MARCHF5: variants seen among roughly 807,000 people sequenced by gnomAD.
The protein encoded by MARCHF5 is E3 ubiquitin-protein ligase MARCHF5.
A neutral mutation model predicts 36.5 loss-of-function variants in MARCHF5; 5 were observed. That is an observed-to-expected ratio of 0.14 (90% CI 0.07 to 0.29). MARCHF5 has a LOEUF of 0.29. Ranked by LOEUF, MARCHF5 falls within the 10% of genes least tolerant of loss-of-function variation. The pLI, the probability that MARCHF5 is intolerant of heterozygous loss-of-function variation, is 1.00. For missense variants in MARCHF5, 179 were observed against 336.3 expected (o/e 0.53, Z 3.66); for synonymous variants, 103 against 109.9 (o/e 0.94, Z 0.39).
chr10:92,294,546 A>G (rs1372606571), intron 1 of MARCHF5, among the ~76,000 whole-genome samples: 1 of 152,310 alleles, frequency 6.6e-6, no homozygotes, highest in Middle Eastern at 3.4e-3. Flanking sequence ...AGACTAAAAT[A>G]TGTCAGCCTA....
At chr10:92,311,472 G>GA in intron 2 of MARCHF5, 135 bp downstream of exon 2, 1 of 634,316 alleles carries the variant, frequency 1.6e-6, no homozygotes, top group Non-Finnish European at 2.7e-6. Flanking sequence ...TTTCCTCTCT[G>GA]AATGTCAGAC....
chr10:92,301,901 A>G (rs1259228859), intron 1 of MARCHF5, among the ~76,000 whole-genome samples: 1 of 152,144 alleles, frequency 6.6e-6, no homozygotes, highest in African/African-American at 2.4e-5. Flanking sequence ...TCTACTAAAA[A>G]TACAAAAAAA....
intron 2 of MARCHF5, chr10:92,333,583 T>C: frequency 1.1e-6 from 1 of 893,766 alleles, no homozygotes; most frequent in Non-Finnish European, 1.3e-6. Flanking sequence ...GAACAAACAT[T>C]GAACAAGAAC....
At chr10:92,322,016 G>A (rs1039723680) in intron 2 of MARCHF5, among the ~76,000 whole-genome samples, 2 of 151,422 alleles carry the variant, frequency 1.3e-5, no homozygotes, top group African/African-American at 2.4e-5. Context: ...AGGCCGAGGC[G>A]GGCGGATCAC....
chr10:92,307,194 TGTGTGTGTGTGTGTGTGTGC>T (rs1284652777), intron 1 of MARCHF5, among the ~76,000 whole-genome samples: 7 of 94,374 alleles, frequency 7.4e-5, no homozygotes, highest in South Asian at 3.1e-4. Context: ...TGTGTGTGTG[TGTGTGTGTGTGTGTGTGTGC>T]GCGTGCATGC....
In MARCHF5 at chr10:92,296,473, G is replaced by A. The variant is rs575550328; in HGVS notation, c.35+4944G>A. Reference sequence around the variant, plus strand: ...ATATATTACTTTCTCTTTGACCACCGACATTCTCATTTTTCTCTAAAACTT... The same window carrying A: ...ATATATTACTTTCTCTTTGACCACCAACATTCTCATTTTTCTCTAAAACTT... On this transcript the variant is annotated intron_variant, in intron 1 of 5. Coordinates refer to ENST00000358935, the MANE Select transcript of MARCHF5 (RefSeq NM_017824.5). Among the ~76,000 whole-genome samples the A allele has an allele frequency of 2.0e-5, 3 of 151,984 alleles. No individual in the cohort carries two copies. In the East Asian group the frequency reaches 5.8e-4, roughly 29 times the overall value.
intron 2 of MARCHF5, among the ~76,000 whole-genome samples, chr10:92,339,524 G>C (rs1467955955): frequency 6.6e-6 from 1 of 152,056 alleles, no homozygotes; most frequent in Non-Finnish European, 1.5e-5. Context: ...ACAAAAATTA[G>C]CTGGGCATGG....
At chr10:92,320,656 AAG>A (rs1843279698) in intron 2 of MARCHF5, among the ~76,000 whole-genome samples, 1 of 143,124 alleles carries the variant, frequency 7.0e-6, no homozygotes, top group East Asian at 2.3e-4. Context: ...AAATAGAAAA[AAG>A]CTTATAAAAT....
chr10:92,311,901 A>G (rs1843149288), intron 2 of MARCHF5, among the ~76,000 whole-genome samples: 1 of 152,200 alleles, frequency 6.6e-6, no homozygotes, highest in Admixed American at 6.5e-5. Flanking sequence ...GCATGGAAAA[A>G]AAGTATAGCA....
intron 5 of MARCHF5, 74 bp from the exon 6 acceptor site, chr10:92,351,017 T>C: frequency 1.3e-6 from 1 of 799,036 alleles, no homozygotes; most frequent in Non-Finnish European, 2.1e-6. Context: ...TTTTGTGATC[T>C]AAATAAAATT....
chr10:92,311,076 A>G (rs1843139625), intron 1 of MARCHF5, 59 bp from the exon 2 acceptor site: 6 of 1,273,530 alleles, frequency 4.7e-6, no homozygotes, highest in African/African-American at 1.5e-5. Context: ...GAGCTGCAGT[A>G]TAGAGGAGGC....
intron 1 of MARCHF5, among the ~76,000 whole-genome samples, chr10:92,304,120 G>T (rs956972413): frequency 6.6e-6 from 1 of 152,116 alleles, no homozygotes; most frequent in Non-Finnish European, 1.5e-5. Context: ...GAAAAATTGG[G>T]GAAATGACTA....
intron 2 of MARCHF5, among the ~76,000 whole-genome samples, chr10:92,321,367 T>C (rs1018196606): frequency 6.6e-6 from 1 of 152,130 alleles, no homozygotes; most frequent in Non-Finnish European, 1.5e-5. Context: ...CTATTGATAA[T>C]CATGTGAGTA....
chr10:92,316,227 T>A (rs1342023884), intron 2 of MARCHF5, among the ~76,000 whole-genome samples: 1 of 152,184 alleles, frequency 6.6e-6, no homozygotes, highest in Non-Finnish European at 1.5e-5. Flanking sequence ...CAATTCTGCA[T>A]CTTTTCTGGT....
chr10:92,315,169 C>G (rs1163302533), intron 2 of MARCHF5, among the ~76,000 whole-genome samples: 3 of 152,174 alleles, frequency 2.0e-5, no homozygotes, highest in South Asian at 2.1e-4. Flanking sequence ...GCTTGTATTT[C>G]TTGATTAACA....
At chr10:92,298,716 G>A (rs1842976190) in intron 1 of MARCHF5, among the ~76,000 whole-genome samples, 2 of 152,022 alleles carry the variant, frequency 1.3e-5, no homozygotes, top group African/African-American at 4.8e-5. Flanking sequence ...AGCTGGGACT[G>A]CATGTCCAGC....
chr10:92,338,188 CAA>C (rs951504652), intron 2 of MARCHF5, among the ~76,000 whole-genome samples: 1 of 148,174 alleles, frequency 6.7e-6, no homozygotes. Context: ...GACCCTGTCT[CAA>C]AAAAAAAATC....
At chr10:92,329,964 T>C (rs1843416872) in intron 2 of MARCHF5, among the ~76,000 whole-genome samples, 1 of 152,198 alleles carries the variant, frequency 6.6e-6, no homozygotes, top group South Asian at 2.1e-4. Context: ...TGCCTCAGCC[T>C]CCCGAGTAGC....
intron 1 of MARCHF5, among the ~76,000 whole-genome samples, chr10:92,309,453 A>C (rs1203134277): frequency 6.6e-6 from 1 of 152,226 alleles, no homozygotes; most frequent in Non-Finnish European, 1.5e-5. Context: ...ATTCACCATA[A>C]TACTGATTAA....
Sources: allele counts gnomAD v4.1 joint callset (sites outside exome capture counted in the v4.1 genomes callset), GRCh38; gene constraint gnomAD v4.1.1; transcripts MANE v1.5; gene names NCBI Gene and HGNC (gene_info 2026-07-23, HGNC 2026-07-21).